The following LIPI variants were observed in gnomAD, a reference collection of about 807,000 sequenced individuals.
LIPI encodes the protein lipase I, also known as lipase member I.
A neutral mutation model predicts 50.6 loss-of-function variants in LIPI; 59 were observed. The observed-to-expected ratio is 1.16, with a 90% CI of 0.94 to 1.45. LIPI has a LOEUF of 1.45. Among genes scored for constraint, LIPI ranks in the 40% most tolerant of loss-of-function variants. LIPI has a pLI of 0.00. For missense variants in LIPI, 586 were observed against 536.3 expected, an observed-to-expected ratio of 1.09 and a Z score of -0.92; for synonymous variants, 203 against 178.2, an observed-to-expected ratio of 1.14 and a Z score of -1.11.
At chr21:14,186,373 G>A (rs1238182969) in intron 2 of LIPI, among the ~76,000 whole-genome samples, 1 of 152,072 alleles carries the variant, frequency 6.6e-6, no homozygotes, top group Non-Finnish European at 1.5e-5. Flanking sequence ...AACATTACTA[G>A]GTGCTTACTT....
intron 1 of LIPI, among the ~76,000 whole-genome samples, chr21:14,193,484 A>C (rs1288547935): frequency 6.6e-6 from 1 of 152,130 alleles, no homozygotes; most frequent in African/African-American, 2.4e-5. Context: ...GGACCAGACT[A>C]TATGTTACCT....
At chr21:14,198,279 T>C (rs1489293448) in intron 1 of LIPI, among the ~76,000 whole-genome samples, 1 of 152,066 alleles carries the variant, frequency 6.6e-6, no homozygotes, top group Non-Finnish European at 1.5e-5. Context: ...ATACTAACCT[T>C]AAATGTCAAT....
intron 8 of LIPI, among the ~76,000 whole-genome samples, chr21:14,151,663 G>T (rs143791041): frequency 6.6e-6 from 1 of 151,990 alleles, no homozygotes; most frequent in African/African-American, 2.4e-5. Flanking sequence ...TAGTGTGCCC[G>T]TTTATATCAT....
Position 14,208,114 on chromosome 21 carries a change from T to C in LIPI, c.46+2686A>G, listed in dbSNP as rs541615005. Reference sequence around the variant, plus strand: ...ATCGTGGATCATATCAGAAAAATACTGACACAATTTAGAGAAAAATAATGA... The same window carrying C: ...ATCGTGGATCATATCAGAAAAATACCGACACAATTTAGAGAAAAATAATGA... On this transcript the variant is annotated intron_variant, in intron 1 of 9. Transcript: ENST00000681601. Among the ~76,000 whole-genome samples, 4 of 152,326 alleles carry C rather than the reference T, an allele frequency of 2.6e-5. No homozygotes were observed. The South Asian group carries it at 8.3e-4, about 32-fold the overall frequency.
intron 8 of LIPI, among the ~76,000 whole-genome samples, chr21:14,148,093 A>G (rs1394617470): frequency 1.3e-5 from 2 of 152,164 alleles, no homozygotes; most frequent in Admixed American, 6.6e-5. Flanking sequence ...AGAAAAAATA[A>G]CATTCAGTAT....
chr21:14,179,956 C>T (rs371184198), intron 4 of LIPI, among the ~76,000 whole-genome samples: 41 of 152,198 alleles, frequency 2.7e-4, no homozygotes, highest in African/African-American at 7.0e-4. Context: ...TTGCAGAGAG[C>T]GTATAAACGG....
At chr21:14,201,520 G>C (rs1452909639) in intron 1 of LIPI, among the ~76,000 whole-genome samples, 1 of 152,074 alleles carries the variant, frequency 6.6e-6, no homozygotes, top group Non-Finnish European at 1.5e-5. Flanking sequence ...GGCATGCAAG[G>C]CTGGTTCAAC....
At chr21:14,123,919 C>T (rs1015353488) in intron 9 of LIPI, among the ~76,000 whole-genome samples, 3 of 152,148 alleles carry the variant, frequency 2.0e-5, no homozygotes, top group African/African-American at 7.2e-5. Flanking sequence ...CCAACTGTTC[C>T]TCACAAATCA....
At chr21:14,116,605 C>T (rs1568830146) in intron 9 of LIPI, among the ~76,000 whole-genome samples, 1 of 152,112 alleles carries the variant, frequency 6.6e-6, no homozygotes, top group Admixed American at 6.5e-5. Context: ...GACTGGCCCT[C>T]TAATGTAGGG....
intron 2 of LIPI, among the ~76,000 whole-genome samples, chr21:14,187,231 A>G (rs1203445541): frequency 6.6e-6 from 1 of 152,158 alleles, no homozygotes; most frequent in African/African-American, 2.4e-5. Flanking sequence ...AAATTAGAAG[A>G]CTACATGAGA....
chr21:14,175,004 T>C (rs191053175), intron 4 of LIPI, among the ~76,000 whole-genome samples: 1 of 152,232 alleles, frequency 6.6e-6, no homozygotes, highest in Non-Finnish European at 1.5e-5. Flanking sequence ...TCAATCCACA[T>C]TGTCAGGTGT....
At chr21:14,124,941 G>A (rs1288063832) in intron 9 of LIPI, among the ~76,000 whole-genome samples, 2 of 151,966 alleles carry the variant, frequency 1.3e-5, no homozygotes, top group Non-Finnish European at 2.9e-5. Flanking sequence ...GTTGCGGTGA[G>A]CCAAGATCAT....
intron 9 of LIPI, among the ~76,000 whole-genome samples, chr21:14,115,598 C>T (rs913960640): frequency 2.0e-5 from 3 of 152,036 alleles, no homozygotes; most frequent in Non-Finnish European, 2.9e-5. Flanking sequence ...GGGTTAGAGC[C>T]CCAGGACGTG....
intron 1 of LIPI, among the ~76,000 whole-genome samples, chr21:14,194,074 A>C (rs1378874595): frequency 6.6e-6 from 1 of 152,070 alleles, no homozygotes; most frequent in Non-Finnish European, 1.5e-5. Flanking sequence ...GGGAAACAGA[A>C]ATCAAAAGTA....
chr21:14,204,344 C>T (rs2020164420), intron 1 of LIPI, among the ~76,000 whole-genome samples: 1 of 147,918 alleles, frequency 6.8e-6, no homozygotes, highest in Non-Finnish European at 1.5e-5. Flanking sequence ...GAAAAGAAAA[C>T]AGAAAGAAGA....
intron 6 of LIPI, among the ~76,000 whole-genome samples, chr21:14,164,602 T>C (rs913826766): frequency 6.6e-6 from 1 of 152,218 alleles, no homozygotes; most frequent in Non-Finnish European, 1.5e-5. Context: ...TGCTTGGATC[T>C]GGTGCTCTTT....
At chr21:14,165,425 T>C (rs772222280) in intron 5 of LIPI, 35 bp from the exon 6 acceptor site, 18 of 1,483,620 alleles carry the variant, frequency 1.2e-5, no homozygotes, top group South Asian at 2.3e-5. Context: ...GAACTGTAGA[T>C]GTATTAAGCC....
chr21:14,153,710 A>G (rs1404039584), intron 7 of LIPI, among the ~76,000 whole-genome samples: 1 of 152,186 alleles, frequency 6.6e-6, no homozygotes, highest in Non-Finnish European at 1.5e-5. Context: ...GTCAACCTCC[A>G]TGCAGGAACA....
chr21:14,193,687 C>T (rs2123300724), intron 1 of LIPI, among the ~76,000 whole-genome samples: 1 of 151,292 alleles, frequency 6.6e-6, no homozygotes, highest in Middle Eastern at 3.4e-3. Context: ...TAGAAGAAAA[C>T]AAGGGGGAAA....
Sources: gnomAD v4.1 joint callset for allele counts (sites outside exome capture counted in the v4.1 genomes callset) on GRCh38, gnomAD v4.1.1 for gene constraint, MANE v1.5 for transcripts, NCBI Gene and HGNC (gene_info 2026-07-23, HGNC 2026-07-21) for gene names.